SNTG2: variants seen among roughly 807,000 people sequenced by gnomAD.
SNTG2 encodes the protein syntrophin gamma 2.
A neutral mutation model predicts 70.9 loss-of-function variants in SNTG2; 74 were observed. The ratio of observed to expected loss-of-function variants is 1.04; its 90% CI spans 0.86 to 1.27. The LOEUF is 1.27. SNTG2 is among the 50% of genes most tolerant of loss of function. The pLI, the probability that SNTG2 is intolerant of heterozygous loss-of-function variation, is 0.00. For missense variants in SNTG2, 717 were observed against 690.7 expected (o/e 1.04, Z -0.43); for synonymous variants, 278 against 273.8 (o/e 1.02, Z -0.15).
chr2:974,962 T>G (rs1465153200), intron 1 of SNTG2, among the ~76,000 whole-genome samples: 1 of 152,236 alleles, frequency 6.6e-6, no homozygotes, highest in East Asian at 1.9e-4. Context: ...TGTATTTTAT[T>G]AATTCTGCAC....
intron 16 of SNTG2, among the ~76,000 whole-genome samples, chr2:1,356,585 A>C (rs1458788881): frequency 6.6e-6 from 1 of 152,126 alleles, no homozygotes; most frequent in Non-Finnish European, 1.5e-5. Context: ...TGGCTTTGTA[A>C]TATGTTTTAG....
intron 16 of SNTG2, among the ~76,000 whole-genome samples, chr2:1,338,850 G>A (rs1471292475): frequency 1.3e-5 from 2 of 152,066 alleles, no homozygotes; most frequent in East Asian, 1.9e-4. Flanking sequence ...GTATCTGTTC[G>A]AGTCCCTTTT....
At chr2:1,135,573 T>A (rs948130972) in intron 4 of SNTG2, among the ~76,000 whole-genome samples, 5 of 151,988 alleles carry the variant, frequency 3.3e-5, no homozygotes, top group African/African-American at 9.7e-5. Context: ...TACAAAAAAA[T>A]TGGCAGGGTG....
At chr2:1,115,285 G>A (rs1217615678) in intron 4 of SNTG2, among the ~76,000 whole-genome samples, 2 of 151,994 alleles carry the variant, frequency 1.3e-5, no homozygotes, top group African/African-American at 4.8e-5. Flanking sequence ...CCTTTGAGGA[G>A]GATCGTGTGT....
chr2:1,137,589 C>G, intron 4 of SNTG2, 33 bp from the exon 5 acceptor site: 1 of 1,608,042 alleles, frequency 6.2e-7, no homozygotes, highest in Non-Finnish European at 8.5e-7. Context: ...TGAGATTTCT[C>G]TTAAAACTGT....
At chr2:1,328,065 G>A (rs1313092722) in intron 16 of SNTG2, among the ~76,000 whole-genome samples, 1 of 152,126 alleles carries the variant, frequency 6.6e-6, no homozygotes, top group East Asian at 1.9e-4. Context: ...CAGAGCAAGG[G>A]GGGCGAGGGA....
intron 1 of SNTG2, among the ~76,000 whole-genome samples, chr2:967,994 C>T (rs1346220780): frequency 1.3e-5 from 2 of 151,814 alleles, no homozygotes; most frequent in Non-Finnish European, 2.9e-5. Flanking sequence ...CACTGCAATC[C>T]AGCTTGGGCA....
chr2:992,158 C>A (rs997156898), intron 1 of SNTG2, among the ~76,000 whole-genome samples: 2 of 151,882 alleles, frequency 1.3e-5, no homozygotes, highest in Non-Finnish European at 2.9e-5. Flanking sequence ...ATCAATACTG[C>A]GGAACTGAAA....
intron 6 of SNTG2, among the ~76,000 whole-genome samples, chr2:1,145,257 A>G (rs1669022129): frequency 1.3e-5 from 2 of 150,190 alleles, no homozygotes; most frequent in Non-Finnish European, 3.0e-5. Flanking sequence ...TAGAGAAGAA[A>G]TCAGGGACTG....
At chr2:1,115,885 A>T (rs1473251281) in intron 4 of SNTG2, among the ~76,000 whole-genome samples, 3 of 152,222 alleles carry the variant, frequency 2.0e-5, no homozygotes, top group Non-Finnish European at 4.4e-5. Context: ...TTGGAAATGA[A>T]TTCAGGTCAA....
intron 1 of SNTG2, among the ~76,000 whole-genome samples, chr2:984,309 A>G (rs1170830655): frequency 6.6e-6 from 1 of 151,868 alleles, no homozygotes; most frequent in African/African-American, 2.4e-5. Flanking sequence ...AATTAAGATA[A>G]AATGAAAACA....
At chr2:1,119,287 T>G (rs1314085723) in intron 4 of SNTG2, among the ~76,000 whole-genome samples, 2 of 151,836 alleles carry the variant, frequency 1.3e-5, no homozygotes, top group Admixed American at 6.6e-5. Context: ...CTTAAAGGAG[T>G]ACTTCAAGCA....
chr2:954,142 C>A (rs1265934220), intron 1 of SNTG2, among the ~76,000 whole-genome samples: 1 of 152,180 alleles, frequency 6.6e-6, no homozygotes, highest in African/African-American at 2.4e-5. Context: ...TCAGGCTCTG[C>A]TGCGCACCCC....
rs1375809024 is a variant in SNTG2, at chr2:1,183,665, G to A, written c.591+10482G>A. Among the ~76,000 whole-genome samples the A allele has an allele frequency of 2.6e-5, 4 of 151,912 alleles. No homozygotes were observed. The South Asian group carries it at 6.2e-4, about 24-fold the overall frequency. ...GACATTTTATTTTTATTATATATAT[G>A]TGTGTGTGTGTACACATATAAAACA... On this transcript the variant is annotated intron_variant, in intron 8 of 16. Transcript: ENST00000308624.
intron 1 of SNTG2, among the ~76,000 whole-genome samples, chr2:967,426 G>A (rs192412324): frequency 4.6e-5 from 7 of 152,242 alleles, no homozygotes; most frequent in African/African-American, 1.4e-4. Flanking sequence ...ATCAGGAGTG[G>A]ATGTTGAATA....
intron 1 of SNTG2, among the ~76,000 whole-genome samples, chr2:1,074,169 C>A (rs529107984): frequency 6.6e-6 from 1 of 152,174 alleles, no homozygotes; most frequent in Admixed American, 6.5e-5. Context: ...TTGCTGCCTC[C>A]CGGCAGCTGC....
intron 16 of SNTG2, among the ~76,000 whole-genome samples, chr2:1,328,921 A>ACG (rs1205595853): frequency 6.6e-6 from 1 of 151,592 alleles, no homozygotes; most frequent in Non-Finnish European, 1.5e-5. Flanking sequence ...GCACACATAC[A>ACG]CACGCACAGA....
chr2:1,262,647 A>C (rs1678477824), intron 13 of SNTG2, among the ~76,000 whole-genome samples: 1 of 152,072 alleles, frequency 6.6e-6, no homozygotes, highest in African/African-American at 2.4e-5. Context: ...CTCAGTCCAG[A>C]CGTAGTAACC....
intron 6 of SNTG2, among the ~76,000 whole-genome samples, chr2:1,154,993 TACAC>T (rs956209946): frequency 1.1e-5 from 1 of 88,672 alleles, no homozygotes; most frequent in East Asian, 2.3e-4. Context: ...ACCACACATA[TACAC>T]ACACACAAAC....
Sources: allele counts gnomAD v4.1 joint callset (sites outside exome capture counted in the v4.1 genomes callset), GRCh38; gene constraint gnomAD v4.1.1; transcripts MANE v1.5; gene names NCBI Gene and HGNC (gene_info 2026-07-23, HGNC 2026-07-21).